Variants in KLHL1 observed in about 807,000 individuals in gnomAD.
KLHL1 encodes kelch-like protein 1.
Under a neutral mutation model 77.7 loss-of-function variants are expected in KLHL1, and 47 were observed. The observed-to-expected ratio is 0.60, with a 90% CI of 0.48 to 0.77. The LOEUF (loss-of-function observed/expected upper bound fraction) is 0.77. KLHL1 is among the 30% of genes least tolerant of loss of function. The pLI, the probability that KLHL1 is intolerant of heterozygous loss-of-function variation, is 0.00. For missense variants in KLHL1, 925 were observed against 910.8 expected (o/e 1.02, Z -0.20); for synonymous variants, 360 against 325.2 (o/e 1.11, Z -1.15).
At chr13:70,079,841 T>C (rs537871754) in intron 1 of KLHL1, among the ~76,000 whole-genome samples, 48 of 152,242 alleles carry the variant, frequency 3.2e-4, no homozygotes, top group Non-Finnish European at 6.6e-4. Flanking sequence ...CTCAGCATAC[T>C]GAGCTTTAAG....
chr13:69,846,844 A>C (rs2138123956), intron 5 of KLHL1, among the ~76,000 whole-genome samples: 1 of 90,060 alleles, frequency 1.1e-5, no homozygotes, highest in Admixed American at 1.4e-4. Context: ...TTTTATTTGA[A>C]ATGTTTGTAA....
chr13:69,883,139 A>G (rs1382106775), intron 4 of KLHL1, among the ~76,000 whole-genome samples: 2 of 152,184 alleles, frequency 1.3e-5, no homozygotes, highest in Non-Finnish European at 2.9e-5. Context: ...TTAGCTTCTC[A>G]GTTTCATCCT....
At chr13:69,807,877 G>A (rs1877682277) in intron 6 of KLHL1, among the ~76,000 whole-genome samples, 1 of 152,158 alleles carries the variant, frequency 6.6e-6, no homozygotes, top group Non-Finnish European at 1.5e-5. Context: ...ACCTGTCTGT[G>A]TGGGTCATTG....
At chr13:69,950,385 T>C (rs1173080269) in intron 3 of KLHL1, among the ~76,000 whole-genome samples, 1 of 151,686 alleles carries the variant, frequency 6.6e-6, no homozygotes, top group Non-Finnish European at 1.5e-5. Flanking sequence ...CTCACATCGA[T>C]GCACAGGTGT....
At chr13:69,856,899 T>C (rs1879940758) in intron 5 of KLHL1, among the ~76,000 whole-genome samples, 1 of 152,022 alleles carries the variant, frequency 6.6e-6, no homozygotes, top group Non-Finnish European at 1.5e-5. Flanking sequence ...CTCCCCAAGA[T>C]CATGTCTGCT....
intron 1 of KLHL1, among the ~76,000 whole-genome samples, chr13:70,052,000 A>T (rs771609747): frequency 3.3e-5 from 5 of 150,738 alleles, no homozygotes; most frequent in Non-Finnish European, 7.4e-5. Context: ...AGTATTTCTT[A>T]TTCTTAAATA....
chr13:69,797,845 AT>A (rs1877191818), intron 6 of KLHL1, among the ~76,000 whole-genome samples: 1 of 150,964 alleles, frequency 6.6e-6, no homozygotes, highest in Non-Finnish European at 1.5e-5. Flanking sequence ...AAAAAAAAAA[AT>A]CTGGGGAATA....
intron 9 of KLHL1, among the ~76,000 whole-genome samples, chr13:69,708,108 T>C (rs1446399308): frequency 6.6e-6 from 1 of 151,902 alleles, no homozygotes; most frequent in African/African-American, 2.4e-5. Flanking sequence ...AGAATTAGGG[T>C]ATTTAAAACA....
chr13:69,973,958 T>C (rs1261050329), intron 2 of KLHL1, among the ~76,000 whole-genome samples: 1 of 151,996 alleles, frequency 6.6e-6, no homozygotes, highest in Non-Finnish European at 1.5e-5. Flanking sequence ...TGCCCCGCTT[T>C]AACCAATCAA....
intron 5 of KLHL1, among the ~76,000 whole-genome samples, chr13:69,860,946 TA>T (rs1880132081): frequency 6.6e-6 from 1 of 152,024 alleles, no homozygotes; most frequent in Non-Finnish European, 1.5e-5. Context: ...AAAATATTCA[TA>T]GGGGTGTTGT....
At chr13:69,736,979 A>G (rs1229414333) in intron 8 of KLHL1, among the ~76,000 whole-genome samples, 2 of 152,132 alleles carry the variant, frequency 1.3e-5, no homozygotes, top group African/African-American at 4.8e-5. Flanking sequence ...TGCATCTTCA[A>G]TTGAGGTACC....
In KLHL1 at chr13:70,006,032, A is replaced by G. The variant is rs1441566; in HGVS notation, c.498-30230T>C. Among the ~76,000 whole-genome samples the G allele has an allele frequency of 6.3e-3, 958 of 152,050 alleles. 9 individuals carry two copies. The highest frequency in any genetic ancestry group is 0.022 in the African/African-American group (898 of 41,510). On this transcript the variant is annotated intron_variant, in intron 1 of 10. Coordinates refer to ENST00000377844, the MANE Select transcript of KLHL1 (RefSeq NM_020866.3). ...TCCATTTTTCTTCTTTCCCTCAGCC[A>G]CTGGCAACCACCATTTCATTCTTCG...
intron 9 of KLHL1, among the ~76,000 whole-genome samples, chr13:69,712,168 C>T (rs901681860): frequency 3.9e-4 from 60 of 152,132 alleles, no homozygotes; most frequent in African/African-American, 1.4e-3. Context: ...ACTTTTTACC[C>T]TCTAAATGGT....
chr13:69,955,904 A>T (rs1459020385), intron 3 of KLHL1, among the ~76,000 whole-genome samples: 2 of 133,952 alleles, frequency 1.5e-5, no homozygotes, highest in East Asian at 2.1e-4. Context: ...ATATATTTAT[A>T]TATATTTGAT....
chr13:69,773,446 C>T (rs76910172), intron 7 of KLHL1, among the ~76,000 whole-genome samples: 3,510 of 151,956 alleles, frequency 0.023, 131 homozygotes, highest in African/African-American at 0.081. Context: ...GATATAATTG[C>T]ATATTTAGTA....
At chr13:69,819,075 C>T (rs973143617) in intron 6 of KLHL1, among the ~76,000 whole-genome samples, 1 of 152,150 alleles carries the variant, frequency 6.6e-6, no homozygotes, top group African/African-American at 2.4e-5. Flanking sequence ...TACAGAATTG[C>T]TGCATAAAAG....
At chr13:69,879,088 C>A (rs1486262752) in intron 5 of KLHL1, among the ~76,000 whole-genome samples, 1 of 152,098 alleles carries the variant, frequency 6.6e-6, no homozygotes, top group Non-Finnish European at 1.5e-5. Flanking sequence ...ACATCACACA[C>A]CAGGGCCTGT....
At chr13:69,959,394 C>A (rs1883996008) in intron 3 of KLHL1, among the ~76,000 whole-genome samples, 1 of 151,822 alleles carries the variant, frequency 6.6e-6, no homozygotes, top group Admixed American at 6.6e-5. Context: ...ATTATCCTGG[C>A]TACCTCTTGG....
At chr13:69,865,944 A>T (rs1880351066) in intron 5 of KLHL1, among the ~76,000 whole-genome samples, 1 of 152,146 alleles carries the variant, frequency 6.6e-6, no homozygotes, top group African/African-American at 2.4e-5. Flanking sequence ...AGAGTAACGA[A>T]CATTAGCATG....
Sources: gnomAD v4.1 joint callset for allele counts (sites outside exome capture counted in the v4.1 genomes callset) on GRCh38, gnomAD v4.1.1 for gene constraint, MANE v1.5 for transcripts, NCBI Gene and HGNC (gene_info 2026-07-23, HGNC 2026-07-21) for gene names.